The following NUP205 variants were observed in gnomAD, a reference collection of about 807,000 sequenced individuals.
NUP205 encodes the protein nucleoporin 205.
Under a neutral mutation model 253.8 loss-of-function variants are expected in NUP205, and 76 were observed. The ratio of observed to expected loss-of-function variants is 0.30; its 90% CI spans 0.25 to 0.36. The LOEUF (loss-of-function observed/expected upper bound fraction) is 0.36. Among genes scored for constraint, NUP205 ranks in the 10% least tolerant of loss-of-function variants. NUP205 has a pLI of 1.00. For missense variants in NUP205, 2,162 were observed against 2,425.5 expected (o/e 0.89, Z 2.28); for synonymous variants, 832 against 850.1 (o/e 0.98, Z 0.37).
At chr7:135,608,838 C>A (rs532481213) in intron 22 of NUP205, among the ~76,000 whole-genome samples, 1 of 152,106 alleles carries the variant, frequency 6.6e-6, no homozygotes, top group African/African-American at 2.4e-5. Context: ...CAGTGACTCA[C>A]GCCTTTAATC....
intron 38 of NUP205, among the ~76,000 whole-genome samples, chr7:135,642,606 C>T (rs1336999350): frequency 2.0e-5 from 3 of 152,096 alleles, no homozygotes; most frequent in East Asian, 1.9e-4. Context: ...GTTTTACTAC[C>T]GTAATGTAGC....
intron 1 of NUP205, among the ~76,000 whole-genome samples, chr7:135,565,986 C>G (rs750691607): frequency 1.3e-5 from 2 of 152,144 alleles, no homozygotes; most frequent in African/African-American, 2.4e-5. Flanking sequence ...GCAGAGAAAT[C>G]TGATTTTTTT....
chr7:135,569,521 T>C (rs35061496), intron 1 of NUP205, among the ~76,000 whole-genome samples: 27,795 of 151,696 alleles, frequency 0.18, 3,133 homozygotes, highest in East Asian at 0.44. Flanking sequence ...ATGCCCAGAC[T>C]GCTTGGGCTT....
chr7:135,625,252 A>C lies in NUP205; in HGVS notation c.4568A>C (p.Lys1523Thr). The change falls in exon 32 of 43, where the codon AAG (lysine) becomes ACG (threonine). Residue 1523 changes from lysine (K) to threonine (T), a missense_variant. Coordinates refer to ENST00000285968, the MANE Select transcript of NUP205 (RefSeq NM_015135.3). ...LLYLSNSGYL[K>T]VLVDSLVEDD... ...TATCTTTCTAACAGTGGCTACTTGA[A>C]GGTCCTCGTAGACAGCTTGGTAGAA... is the stretch of plus-strand genomic sequence containing the variant. The C allele has an allele frequency of 6.2e-7, 1 of 1,614,144 alleles. No individual in the cohort carries two copies.
chr7:135,635,724 T>C (rs947325983), intron 36 of NUP205, 67 bp downstream of exon 36: 2 of 904,692 alleles, frequency 2.2e-6, no homozygotes, highest in East Asian at 5.1e-5. Flanking sequence ...ATCCTCCCCA[T>C]TGTGCCCCCT....
At position 135,614,245 on chromosome 7, in the gene NUP205, G is replaced by A. The variant is rs1489254962; in HGVS notation, c.3282G>A (p.Gln1094=). ...LRTSQDFLFS[Q]LQYLPFSNKE... ...CCAGCCAGGATTTCTTATTTTCCCAGTTGCAGTATCTACCATTTTCTAACA... is the reference window on the plus strand; with the variant it reads ...CCAGCCAGGATTTCTTATTTTCCCAATTGCAGTATCTACCATTTTCTAACA... The change falls in exon 23 of 43, where the codon CAG becomes CAA. Residue 1094 remains glutamine (Q), a synonymous_variant. Coordinates refer to ENST00000285968, the MANE Select transcript of NUP205 (RefSeq NM_015135.3). 1 of 1,605,540 alleles carries A rather than the reference G, an allele frequency of 6.2e-7. No homozygotes were observed.
At chr7:135,621,021 GC>G (rs1794461391) in intron 30 of NUP205, among the ~76,000 whole-genome samples, 1 of 152,176 alleles carries the variant, frequency 6.6e-6, no homozygotes, top group Non-Finnish European at 1.5e-5. Flanking sequence ...GAGTTATTCT[GC>G]CATTTGTTAA....
chr7:135,581,055 A>G (rs1806291110), intron 7 of NUP205, among the ~76,000 whole-genome samples: 1 of 152,166 alleles, frequency 6.6e-6, no homozygotes, highest in African/African-American at 2.4e-5. Flanking sequence ...TTTTTAAACT[A>G]TAAAAATTTT....
At chr7:135,583,976 G>A (rs1390622493) in intron 7 of NUP205, among the ~76,000 whole-genome samples, 3 of 151,704 alleles carry the variant, frequency 2.0e-5, no homozygotes, top group African/African-American at 4.8e-5. Flanking sequence ...CCAGTAGCTG[G>A]GATTACAGGC....
chr7:135,582,232 T>G (rs982685538), intron 7 of NUP205, among the ~76,000 whole-genome samples: 21 of 151,964 alleles, frequency 1.4e-4, no homozygotes, highest in African/African-American at 5.1e-4. Flanking sequence ...TTGCAGTGAG[T>G]CAAGATCGCA....
intron 1 of NUP205, among the ~76,000 whole-genome samples, chr7:135,563,339 C>T (rs985707672): frequency 3.9e-5 from 6 of 152,158 alleles, no homozygotes; most frequent in African/African-American, 1.4e-4. Context: ...AGGCGCATGC[C>T]ATCACGCCTG....
chr7:135,621,236 C>T (rs1209502117), intron 30 of NUP205, among the ~76,000 whole-genome samples: 1 of 152,052 alleles, frequency 6.6e-6, no homozygotes, highest in Non-Finnish European at 1.5e-5. Context: ...CATGTAGCAC[C>T]CACATAAATA....
intron 7 of NUP205, 146 bp from the exon 8 acceptor site, chr7:135,584,686 C>T: frequency 1.5e-6 from 1 of 668,770 alleles, no homozygotes; most frequent in South Asian, 1.8e-5. Flanking sequence ...GAGTCAATTA[C>T]AGTTATATAT....
intron 7 of NUP205, among the ~76,000 whole-genome samples, chr7:135,580,548 C>G (rs1806275896): frequency 1.3e-5 from 2 of 152,240 alleles, no homozygotes; most frequent in Admixed American, 1.3e-4. Flanking sequence ...TCACTGCAAC[C>G]TCTGCCTCCT....
intron 35 of NUP205, among the ~76,000 whole-genome samples, chr7:135,631,522 C>T (rs1356095350): frequency 6.6e-6 from 1 of 152,176 alleles, no homozygotes; most frequent in African/African-American, 2.4e-5. Flanking sequence ...TTCTTTTACA[C>T]TTCCTCTTCC....
chr7:135,581,232 T>G (rs75515589), intron 7 of NUP205, among the ~76,000 whole-genome samples: 5,171 of 152,292 alleles, frequency 0.034, 119 homozygotes, highest in Middle Eastern at 0.1. Context: ...TATCAAATGT[T>G]TTTATTATAT....
At chr7:135,620,512 G>A (rs543915313) in intron 30 of NUP205, among the ~76,000 whole-genome samples, 6 of 152,314 alleles carry the variant, frequency 3.9e-5, no homozygotes, top group African/African-American at 1.4e-4. Context: ...GGCAACAAGA[G>A]TGAAACTCTG....
At chr7:135,567,179 T>C (rs1286215699) in intron 1 of NUP205, among the ~76,000 whole-genome samples, 1 of 108,884 alleles carries the variant, frequency 9.2e-6, no homozygotes, top group Admixed American at 9.8e-5. Flanking sequence ...TATATATATA[T>C]ATGTATATAT....
intron 38 of NUP205, among the ~76,000 whole-genome samples, chr7:135,638,971 T>G (rs192168745): frequency 8.5e-4 from 130 of 152,186 alleles, no homozygotes; most frequent in Non-Finnish European, 7.9e-4. Context: ...GGTGGCTGGG[T>G]GGAAAAGATG....
Sources: gnomAD v4.1 joint callset for allele counts (sites outside exome capture counted in the v4.1 genomes callset) on GRCh38, gnomAD v4.1.1 for gene constraint, MANE v1.5 for transcripts, NCBI Gene and HGNC (gene_info 2026-07-23, HGNC 2026-07-21) for gene names.